Variants in FGF14 observed in about 807,000 individuals in gnomAD.
The protein encoded by FGF14 is fibroblast growth factor 14.
FGF14 carries 5 observed loss-of-function variants against 25.5 expected under a neutral mutation model. That is an observed-to-expected ratio of 0.20 (90% CI 0.10 to 0.41). FGF14 has a LOEUF of 0.41. FGF14 is among the 10% of genes least tolerant of loss of function. The probability of loss-of-function intolerance (pLI) is 1.00; values close to 1 mark genes in which losing one functional copy is unlikely to be tolerated. For synonymous variants in FGF14, 138 were observed against 118.3 expected (o/e 1.17, Z -1.08); for missense variants, 222 against 320.1 (o/e 0.69, Z 2.34).
chr13:101,800,691 T>C (rs1035908013), intron 3 of FGF14, among the ~76,000 whole-genome samples: 23 of 152,210 alleles, frequency 1.5e-4, no homozygotes, highest in African/African-American at 5.3e-4. Context: ...AGGAGACAGA[T>C]GGCAAGACAG....
intron 1 of FGF14, among the ~76,000 whole-genome samples, chr13:101,936,678 T>C (rs61965219): frequency 0.11 from 16,436 of 152,244 alleles, 994 homozygotes; most frequent in East Asian, 0.2. Flanking sequence ...CCTAAAGTTC[T>C]CTTATTTTTC....
chr13:102,285,711 CA>C (rs1321767458), intron 1 of FGF14, among the ~76,000 whole-genome samples: 15 of 152,204 alleles, frequency 9.9e-5, no homozygotes, highest in African/African-American at 3.6e-4. Context: ...AGCATTTAAT[CA>C]GTACCCAGCA....
At chr13:102,027,516 G>A (rs374184518) in intron 1 of FGF14, among the ~76,000 whole-genome samples, 1 of 152,078 alleles carries the variant, frequency 6.6e-6, no homozygotes, top group East Asian at 1.9e-4. Context: ...TGTTGCAAAG[G>A]TTTAAATTAT....
At chr13:102,319,221 G>A (rs978817109) in intron 1 of FGF14, among the ~76,000 whole-genome samples, 1 of 152,172 alleles carries the variant, frequency 6.6e-6, no homozygotes, top group African/African-American at 2.4e-5. Flanking sequence ...ATAGGAAAGG[G>A]AGATCAGAAA....
At chr13:102,037,891 A>G (rs978605305) in intron 1 of FGF14, among the ~76,000 whole-genome samples, 12 of 152,110 alleles carry the variant, frequency 7.9e-5, no homozygotes, top group Non-Finnish European at 2.9e-5. Context: ...ATTTCCCTTT[A>G]TATCAAATAT....
chr13:102,389,756 A>C (rs1008155397), intron 1 of FGF14, among the ~76,000 whole-genome samples: 3 of 152,142 alleles, frequency 2.0e-5, no homozygotes, highest in Non-Finnish European at 4.4e-5. Flanking sequence ...CGCTGTGAGC[A>C]AGCATCCACC....
At chr13:101,725,166 CTTA>C (rs1215837444) in intron 4 of FGF14, among the ~76,000 whole-genome samples, 1 of 151,906 alleles carries the variant, frequency 6.6e-6, no homozygotes, top group Non-Finnish European at 1.5e-5. Context: ...AAACAATGGT[CTTA>C]TTAGAGCTTC....
chr13:102,335,015 T>C (rs993862383), intron 1 of FGF14, among the ~76,000 whole-genome samples: 2 of 152,160 alleles, frequency 1.3e-5, no homozygotes, highest in Non-Finnish European at 2.9e-5. Flanking sequence ...CTTCTGCTTT[T>C]TTCCCGTCTA....
intron 3 of FGF14, among the ~76,000 whole-genome samples, chr13:101,810,775 T>C (rs1050516139): frequency 5.9e-5 from 9 of 152,184 alleles, no homozygotes; most frequent in African/African-American, 2.2e-4. Flanking sequence ...GTTTCCAAAA[T>C]ATTCTGCTTT....
intron 1 of FGF14, among the ~76,000 whole-genome samples, chr13:102,388,017 C>T (rs1301440690): frequency 6.6e-6 from 1 of 152,170 alleles, no homozygotes; most frequent in Non-Finnish European, 1.5e-5. Flanking sequence ...CACGAGCCAC[C>T]GTGCCCAGGC....
At chr13:102,019,969 C>A (rs770501515) in intron 1 of FGF14, among the ~76,000 whole-genome samples, 1 of 152,068 alleles carries the variant, frequency 6.6e-6, no homozygotes, top group East Asian at 1.9e-4. Context: ...CAGGTGCTTG[C>A]CTACAGCAAA....
At chr13:102,262,489 T>A (rs1566876249) in intron 1 of FGF14, among the ~76,000 whole-genome samples, 1 of 152,170 alleles carries the variant, frequency 6.6e-6, no homozygotes, top group East Asian at 1.9e-4. Flanking sequence ...ACCTTGTGTT[T>A]CTTGGTGGGT....
intron 1 of FGF14, among the ~76,000 whole-genome samples, chr13:102,024,036 A>G (rs1373145075): frequency 6.6e-6 from 1 of 152,038 alleles, no homozygotes; most frequent in Non-Finnish European, 1.5e-5. Context: ...GTTAATGAAC[A>G]TTTCAGTTGT....
intron 1 of FGF14, among the ~76,000 whole-genome samples, chr13:102,221,864 C>T (rs749328114): frequency 5.3e-5 from 8 of 152,172 alleles, no homozygotes; most frequent in South Asian, 2.1e-4. Context: ...TTTGTATTTA[C>T]ATTTCCAATA....
intron 1 of FGF14, among the ~76,000 whole-genome samples, chr13:102,301,858 ACACACACAC>A (rs1202279417): frequency 1.3e-5 from 2 of 151,334 alleles, no homozygotes; most frequent in Non-Finnish European, 2.9e-5. Context: ...ACACACACAC[ACACACACAC>A]TTTACTCTCA....
chr13:101,723,716 T>C (rs1490130186), intron 4 of FGF14, among the ~76,000 whole-genome samples: 1 of 151,984 alleles, frequency 6.6e-6, no homozygotes, highest in Non-Finnish European at 1.5e-5. Context: ...ACTCTGAGGA[T>C]TTATCTAAAT....
chr13:102,277,941 T>C (rs2053627495), intron 1 of FGF14, among the ~76,000 whole-genome samples: 1 of 152,220 alleles, frequency 6.6e-6, no homozygotes, highest in Admixed American at 6.5e-5. Context: ...TGGGATCATA[T>C]CTGCTCAATT....
At chr13:102,310,522 A>G (rs1382705723) in intron 1 of FGF14, among the ~76,000 whole-genome samples, 1 of 152,088 alleles carries the variant, frequency 6.6e-6, no homozygotes, top group Non-Finnish European at 1.5e-5. Context: ...CTGAGCTTCC[A>G]TATGCATCTT....
chr13:102,300,594 C>T (rs2054981440), intron 1 of FGF14, among the ~76,000 whole-genome samples: 1 of 152,064 alleles, frequency 6.6e-6, no homozygotes, highest in Admixed American at 6.6e-5. Flanking sequence ...CCAAAGTGTG[C>T]CCAATCTATC....
Sources: allele counts gnomAD v4.1 joint callset (sites outside exome capture counted in the v4.1 genomes callset), GRCh38; gene constraint gnomAD v4.1.1; transcripts MANE v1.5; gene names NCBI Gene and HGNC (gene_info 2026-07-23, HGNC 2026-07-21).